DMXL1: variants seen among roughly 807,000 people sequenced by gnomAD.
DMXL1 encodes the protein dmX-like protein 1.
Under a neutral mutation model 319.2 loss-of-function variants are expected in DMXL1, and 99 were observed. That is an observed-to-expected ratio of 0.31 (90% CI 0.26 to 0.37). The LOEUF (loss-of-function observed/expected upper bound fraction) is 0.37. DMXL1 is among the 10% of genes least tolerant of loss of function. The pLI, the probability that DMXL1 is intolerant of heterozygous loss-of-function variation, is 1.00. For synonymous variants in DMXL1, 1,385 were observed against 1,235.2 expected, an observed-to-expected ratio of 1.12 and a Z score of -2.54; for missense variants, 3,745 against 3,595.6, an observed-to-expected ratio of 1.04 and a Z score of -1.06.
chr5:119,093,413 G>A (rs1173285552), intron 1 of DMXL1, among the ~76,000 whole-genome samples: 2 of 152,096 alleles, frequency 1.3e-5, no homozygotes, highest in Non-Finnish European at 2.9e-5. Context: ...TGGGATTACA[G>A]GTGTGAGCCA....
chr5:119,165,192 G>A lies in DMXL1; in HGVS notation c.4882G>A (p.Ala1628Thr). Residue 1628 changes from alanine (A) to threonine (T), a missense_variant, in exon 21 of 44, where the codon GCA becomes ACA. By Grantham distance (58) the Ala-to-Thr change is moderately conservative. Coordinates refer to ENST00000539542, the MANE Select transcript of DMXL1 (RefSeq NM_001290321.3). ...TATTTTTTGATTATAGGTAGCTAAA[G>A]CAGCCTTTTATAGAAAGAATGATCC... Reference protein sequence around the residue: ...LRKCIEKVAKAAFYRKNDPLD... With the variant: ...LRKCIEKVAKTAFYRKNDPLD... 3.8e-6 allele frequency: 6 copies of A among 1,583,874 alleles called. No individual in the cohort carries two copies. The highest frequency in any genetic ancestry group is 5.1e-6 in the Non-Finnish European group (6 of 1,168,066).
At position 119,133,804 on chromosome 5, in the gene DMXL1, T is replaced by G; in HGVS notation, c.1880T>G (p.Ile627Ser). 1 of 1,614,216 alleles carries G rather than the reference T, an allele frequency of 6.2e-7. No individual in the cohort carries two copies. The highest frequency in any genetic ancestry group is 8.5e-7 in the Non-Finnish European group (1 of 1,180,040). ...EESAFSTVLS[I>S]SHKSRYCGHR... is the part of the protein sequence containing the mutation. ...TCTGCTTTTTCTACTGTTCTCAGTA[T>G]TTCCCACAAATCCAGATATTGTGGT... Residue 627 changes from isoleucine to serine, a missense_variant, in exon 12 of 44, where the codon ATT (isoleucine) becomes AGT (serine). Around this residue, in one of 4 missense-constraint regions of DMXL1, gnomAD observed 2,096 missense variants for 1,985.4 expected, o/e 1.06. Transcript: ENST00000539542.
At chr5:119,202,980 AT>A in intron 32 of DMXL1, among the ~76,000 whole-genome samples, 1 of 149,510 alleles carries the variant, frequency 6.7e-6, no homozygotes, top group Non-Finnish European at 1.5e-5. Context: ...ACATAAATGA[AT>A]TTTTAATTTA....
chr5:119,196,847 T>C (rs1779729842), intron 31 of DMXL1, among the ~76,000 whole-genome samples: 1 of 152,194 alleles, frequency 6.6e-6, no homozygotes, highest in South Asian at 2.1e-4. Context: ...GTGATTCTGC[T>C]ATGAACTATA....
chr5:119,105,215 T>C lies in DMXL1; in HGVS notation c.321T>C (p.Phe107=). ...GTCAGTGGCAGAAAAGTGGCCAATT[T>C]TTTCTGGAATCAATAGCACACAATA... The part of the protein sequence containing the change: ...LYSQWQKSGQ[F]FLESIAHNIT... The change falls in exon 4 of 44, where the codon TTT becomes TTC. Residue 107 remains phenylalanine (F), a synonymous_variant. Coordinates refer to ENST00000539542, the MANE Select transcript of DMXL1 (RefSeq NM_001290321.3). 1 of 1,613,340 alleles carries C rather than the reference T, an allele frequency of 6.2e-7. No homozygotes were observed. Among genetic ancestry groups the C allele is most frequent in the Non-Finnish European group, 8.5e-7 (1 of 1,179,478 alleles).
At chr5:119,171,367 A>C (rs1315411496) in intron 24 of DMXL1, 87 bp downstream of exon 24, 3 of 1,320,876 alleles carry the variant, frequency 2.3e-6, no homozygotes, top group Non-Finnish European at 3.1e-6. Flanking sequence ...CTAAGACTTG[A>C]TTTTCTTTAT....
intron 34 of DMXL1, among the ~76,000 whole-genome samples, chr5:119,213,350 T>C (rs185918834): frequency 6.6e-6 from 1 of 152,288 alleles, no homozygotes; most frequent in Admixed American, 6.5e-5. Context: ...ACCCTTTTTG[T>C]TCAAGGCCAG....
intron 25 of DMXL1, 105 bp downstream of exon 25, chr5:119,172,074 A>G: frequency 9.4e-7 from 1 of 1,058,558 alleles, no homozygotes; most frequent in African/African-American, 1.7e-5. Flanking sequence ...CAGACTAAGC[A>G]TAGCAATTGT....
chr5:119,209,366 TA>T (rs34068176), intron 34 of DMXL1, among the ~76,000 whole-genome samples: 21 of 149,504 alleles, frequency 1.4e-4, no homozygotes, highest in South Asian at 6.3e-4. Flanking sequence ...TTTTTTTTTT[TA>T]AAAGGCAGGG....
At chr5:119,232,454 T>A (rs1431367610) in intron 38 of DMXL1, among the ~76,000 whole-genome samples, 1 of 152,176 alleles carries the variant, frequency 6.6e-6, no homozygotes, top group African/African-American at 2.4e-5. Context: ...CACATTAATA[T>A]TGATAATGAT....
intron 38 of DMXL1, among the ~76,000 whole-genome samples, chr5:119,225,949 T>G (rs1366957350): frequency 6.6e-6 from 1 of 152,178 alleles, no homozygotes; most frequent in African/African-American, 2.4e-5. Flanking sequence ...CAGGAAATAC[T>G]TGATATTGCT....
chr5:119,214,046 C>T (rs1362028015), intron 34 of DMXL1, among the ~76,000 whole-genome samples: 1 of 152,068 alleles, frequency 6.6e-6, no homozygotes, highest in African/African-American at 2.4e-5. Flanking sequence ...TTTACTCTCT[C>T]CTTGGGTTAT....
intron 38 of DMXL1, among the ~76,000 whole-genome samples, chr5:119,231,445 A>G (rs553136059): frequency 6.6e-6 from 1 of 152,152 alleles, no homozygotes; most frequent in African/African-American, 2.4e-5. Flanking sequence ...CTTAAAGGAT[A>G]AAAGTTGCAG....
intron 4 of DMXL1, among the ~76,000 whole-genome samples, chr5:119,108,054 A>G (rs1758741307): frequency 6.6e-6 from 1 of 152,180 alleles, no homozygotes; most frequent in Non-Finnish European, 1.5e-5. Context: ...CCAGAGATCC[A>G]CTTTCCTTTT....
At chr5:119,123,620 C>G (rs1276323385) in intron 9 of DMXL1, among the ~76,000 whole-genome samples, 2 of 151,924 alleles carry the variant, frequency 1.3e-5, no homozygotes, top group South Asian at 2.1e-4. Context: ...TGAACTGTTA[C>G]TTAATAAAGG....
intron 34 of DMXL1, among the ~76,000 whole-genome samples, chr5:119,212,986 T>C (rs975983242): frequency 6.6e-6 from 1 of 152,120 alleles, no homozygotes; most frequent in Admixed American, 6.6e-5. Context: ...AACCCAACTT[T>C]TTGTCCTATT....
intron 5 of DMXL1, among the ~76,000 whole-genome samples, chr5:119,112,520 A>T (rs1255354571): frequency 6.6e-6 from 1 of 152,258 alleles, no homozygotes; most frequent in African/African-American, 2.4e-5. Flanking sequence ...TAAATATCAC[A>T]TACCAAAGTA....
At chr5:119,147,716 A>C (rs1041330137) in intron 17 of DMXL1, 21 of 389,520 alleles carry the variant, frequency 5.4e-5, no homozygotes, top group Non-Finnish European at 9.2e-5. Flanking sequence ...TTTTGGGAAG[A>C]CAAAGGGACA....
chr5:119,079,273 C>G (rs1379158912), intron 1 of DMXL1, among the ~76,000 whole-genome samples: 9 of 152,144 alleles, frequency 5.9e-5, no homozygotes, highest in Non-Finnish European at 1.0e-4. Flanking sequence ...CCACTTATAT[C>G]AGCATCCATT....
Sources: allele counts gnomAD v4.1 joint callset (sites outside exome capture counted in the v4.1 genomes callset), GRCh38; gene constraint gnomAD v4.1.1; regional missense constraint gnomAD v4.1.1; transcripts MANE v1.5; gene names NCBI Gene and HGNC (gene_info 2026-07-23, HGNC 2026-07-21).